Variants in SOX13 observed in about 807,000 individuals in gnomAD.
SOX13 encodes the protein transcription factor SOX-13.
Under a neutral mutation model 71.8 loss-of-function variants are expected in SOX13, and 28 were observed. The ratio of observed to expected loss-of-function variants is 0.39; its 90% confidence interval spans 0.29 to 0.53. The LOEUF is 0.53. Among genes scored for constraint, SOX13 ranks in the 20% least tolerant of loss-of-function variants. SOX13 has a pLI of 0.70. For missense variants in SOX13, 627 were observed against 810.3 expected (o/e 0.77, Z 2.75); for synonymous variants, 309 against 317.8 (o/e 0.97, Z 0.29).
At position 204,123,857 on chromosome 1, in the gene SOX13, A is replaced by G; in HGVS notation, c.1375+53A>G. ...TCAGTGTGACCTGGTTGCAGGAGCC[A>G]GCTGGGTCTATTCAGGGCTTGCTTG... On this transcript the variant is annotated intron_variant, in intron 12 of 13. Transcript: ENST00000367204. The surrounding 1 kb of genome is among the most constrained non-coding windows in gnomAD (Gnocchi z 5.0). 1 of 1,600,672 alleles carries G rather than the reference A, an allele frequency of 6.2e-7. No homozygotes were observed. Among genetic ancestry groups the G allele is most frequent in the South Asian group, 1.1e-5 (1 of 90,638 alleles).
Position 204,125,895 on chromosome 1 carries a change from G to T in SOX13, c.1630G>T (p.Val544Phe). 1.2e-6 allele frequency: 2 copies of T among 1,612,936 alleles called. No homozygotes were observed. Among genetic ancestry groups the T allele is most frequent in the Non-Finnish European group, 1.7e-6 (2 of 1,179,704 alleles). ...AGQVQMSSSD[V>F]LYPRAAGMPL... ...CCAGGTGCAGATGAGCTCCTCAGAT[G>T]TCCTGTACCCTCGGGCAGCAGGCAT... The change falls in exon 14 of 14, where the codon GTC becomes TTC. Residue 544 changes from valine to phenylalanine, a missense_variant. Physicochemically the swap from Val to Phe is conservative, Grantham distance 50 (BLOSUM62 -1). This residue lies in a region of SOX13 where 148 missense variants were observed against 192.7 expected (regional missense o/e 0.77). Transcript: ENST00000367204.
intron 1 of SOX13, among the ~76,000 whole-genome samples, chr1:204,104,097 C>A (rs1011010634): frequency 6.6e-6 from 1 of 152,216 alleles, no homozygotes; most frequent in African/African-American, 2.4e-5. Context: ...CCGGCAGCCA[C>A]AGAAGCTCAG....
intron 1 of SOX13, among the ~76,000 whole-genome samples, chr1:204,111,166 A>G (rs1293223632): frequency 1.3e-5 from 2 of 152,254 alleles, no homozygotes; most frequent in African/African-American, 2.4e-5. Context: ...CAAGGAAACA[A>G]CAAAACACCA....
chr1:204,083,985 G>T (rs1156642417), intron 1 of SOX13, among the ~76,000 whole-genome samples: 1 of 152,146 alleles, frequency 6.6e-6, no homozygotes, highest in Non-Finnish European at 1.5e-5. Flanking sequence ...AGGTCATAAG[G>T]GTAGGTCCCC....
chr1:204,117,504 C>T, intron 6 of SOX13, 89 bp from the exon 7 acceptor site: 2 of 818,536 alleles, frequency 2.4e-6, no homozygotes, highest in Non-Finnish European at 4.0e-6. Flanking sequence ...GCCTCTTGTC[C>T]ATGGGTCCAT....
Position 204,096,562 on chromosome 1 carries a change from AC to A in SOX13, c.-1-16350del, listed in dbSNP as rs1479015476. Among the ~76,000 whole-genome samples the A allele has an allele frequency of 2.6e-5, 4 of 151,644 alleles. No individual in the cohort carries two copies. The East Asian group carries it at 7.8e-4, about 29-fold the overall frequency. Reference sequence around the variant, plus strand: ...CTCCCAAGTAGCTGGGTTTACAGGCACCCGCCACCACACCTGGCTAATTTTT... The same window carrying A: ...CTCCCAAGTAGCTGGGTTTACAGGCACCGCCACCACACCTGGCTAATTTTT... On this transcript the variant is annotated intron_variant, in intron 1 of 13. Coordinates refer to ENST00000367204, the MANE Select transcript of SOX13 (RefSeq NM_005686.3).
chr1:204,108,965 G>A (rs1027069116), intron 1 of SOX13, among the ~76,000 whole-genome samples: 2 of 152,128 alleles, frequency 1.3e-5, no homozygotes, highest in Non-Finnish European at 2.9e-5. Context: ...TGCTGCCTTC[G>A]GCTTCAGGAT....
chr1:204,123,930 G>T lies in SOX13; in HGVS notation c.1375+126G>T, dbSNP rs537879970. ...ACTCCAGTGGAATCTGACGACAGGG[G>T]TGCAGGAGTTGCTGGGGATGTGAGG... On this transcript the variant is annotated intron_variant, in intron 12 of 13. Coordinates refer to ENST00000367204, the MANE Select transcript of SOX13 (RefSeq NM_005686.3). This position sits in a 1 kb window ranked among gnomAD's most constrained non-coding sequence, Gnocchi z 5.0. 1.0e-4 allele frequency: 115 copies of T among 1,112,164 alleles called. No homozygotes were observed. The highest frequency in any genetic ancestry group is 1.4e-4 in the Non-Finnish European group (111 of 782,426). 68.9% of individuals were successfully genotyped at this position (1,112,164 alleles called of 1,614,324 possible). A position where few individuals can be genotyped will look rare whatever the true frequency, so the allele number is the denominator to read the frequency against.
intron 1 of SOX13, among the ~76,000 whole-genome samples, chr1:204,112,527 A>ACACT (rs34093119): frequency 0.04 from 5,883 of 147,640 alleles, 323 homozygotes; most frequent in African/African-American, 0.12. Flanking sequence ...ACACACACAC[A>ACACT]CTTTCTCTCT....
At position 204,117,678 on chromosome 1, in the gene SOX13, T is replaced by C. The variant is rs1218979909; in HGVS notation, c.746T>C (p.Leu249Ser). The C allele has an allele frequency of 5.0e-6, 8 of 1,613,540 alleles. No homozygotes were observed. The highest frequency in any genetic ancestry group is 6.8e-6 in the Non-Finnish European group (8 of 1,179,664). Residue 249 changes from leucine to serine, a missense_variant, in exon 7 of 14, where the codon TTA (leucine) becomes TCA (serine). By Grantham distance (145) the Leu-to-Ser change is moderately radical. Coordinates refer to ENST00000367204, the MANE Select transcript of SOX13 (RefSeq NM_005686.3). ...GTCACCCCTGACTCCCAGCTGGCCT[T>C]ACCCATTCAGCCCATTCCCTGCAAA... is the stretch of plus-strand genomic sequence containing the variant. ...LPVTPDSQLA[L>S]PIQPIPCKPV... is the part of the protein sequence containing the mutation.
At chr1:204,114,261 C>T (rs1387123592) in intron 2 of SOX13, 60 bp from the exon 3 acceptor site, 5 of 1,188,488 alleles carry the variant, frequency 4.2e-6, no homozygotes, top group Admixed American at 2.1e-5. Context: ...GTGCCCAGCC[C>T]TCCCTGCAGC....
At chr1:204,110,766 C>G (rs1656565110) in intron 1 of SOX13, among the ~76,000 whole-genome samples, 1 of 152,118 alleles carries the variant, frequency 6.6e-6, no homozygotes, top group African/African-American at 2.4e-5. Flanking sequence ...TATCCAAATG[C>G]ATCCATACAG....
chr1:204,081,939 C>T lies in SOX13; in HGVS notation c.-2+8228C>T, dbSNP rs1009487623. On this transcript the variant is annotated intron_variant, in intron 1 of 13. Transcript: ENST00000367204. This position sits in a 1 kb window ranked among gnomAD's most constrained non-coding sequence, Gnocchi z 4.3. ...AAGGAAGCCTGTGTGCAGGTACAGC[C>T]GTGGCTCAGAGGCAGGTGGGGTGAG... Among the ~76,000 whole-genome samples the T allele has an allele frequency of 7.2e-5, 11 of 152,046 alleles. No individual in the cohort carries two copies. In the East Asian group the frequency reaches 7.8e-4, roughly 11 times the overall value.
chr1:204,100,089 G>A (rs937247227), intron 1 of SOX13, among the ~76,000 whole-genome samples: 1 of 152,232 alleles, frequency 6.6e-6, no homozygotes, highest in African/African-American at 2.4e-5. Context: ...GTAGTGAGCT[G>A]TGATTGTGCC....
At position 204,081,137 on chromosome 1, in the gene SOX13, T is replaced by A. The variant is rs1478237050; in HGVS notation, c.-2+7426T>A. On this transcript the variant is annotated intron_variant, in intron 1 of 13. Coordinates refer to ENST00000367204, the MANE Select transcript of SOX13 (RefSeq NM_005686.3). The surrounding 1 kb of genome is among the most constrained non-coding windows in gnomAD (Gnocchi z 4.3). ...CATGTTGGTTAGGCTGGTCTCGAACTCCCGACCTCAGGTGATCCGCCTGCT... is the reference window on the plus strand; with the variant it reads ...CATGTTGGTTAGGCTGGTCTCGAACACCCGACCTCAGGTGATCCGCCTGCT... Among the ~76,000 whole-genome samples the A allele has an allele frequency of 6.6e-6, 1 of 152,212 alleles. No individual in the cohort carries two copies. The highest frequency in any genetic ancestry group is 1.5e-5 in the Non-Finnish European group (1 of 68,004).
At chr1:204,112,373 G>A (rs1162370328) in intron 1 of SOX13, among the ~76,000 whole-genome samples, 2 of 151,900 alleles carry the variant, frequency 1.3e-5, no homozygotes, top group East Asian at 1.9e-4. Flanking sequence ...CCTGGGAGGC[G>A]GAGGTTGCAG....
intron 2 of SOX13, 141 bp from the exon 3 acceptor site, chr1:204,114,180 C>T: frequency 1.7e-6 from 1 of 590,664 alleles, no homozygotes; most frequent in Non-Finnish European, 3.1e-6. Flanking sequence ...AGGTGGAGGC[C>T]AAAGGGACCT....
chr1:204,089,385 T>C (rs1021045076), intron 1 of SOX13, among the ~76,000 whole-genome samples: 1 of 152,126 alleles, frequency 6.6e-6, no homozygotes, highest in Non-Finnish European at 1.5e-5. Flanking sequence ...TGAATGGGCT[T>C]CCCTCCCACT....
rs757935952 is a variant in SOX13, at chr1:204,125,893, A to G, written c.1628A>G (p.Asp543Gly). ...QAGQVQMSSSDVLYPRAAGMP... is the reference protein window; with the variant it reads ...QAGQVQMSSSGVLYPRAAGMP... ...GGCCAGGTGCAGATGAGCTCCTCAG[A>G]TGTCCTGTACCCTCGGGCAGCAGGC... The change falls in exon 14 of 14, where the codon GAT becomes GGT. Residue 543 changes from aspartate to glycine, a missense_variant. Physicochemically the swap from Asp to Gly is moderately conservative, Grantham distance 94 (BLOSUM62 -1). Coordinates refer to ENST00000367204, the MANE Select transcript of SOX13 (RefSeq NM_005686.3). 3.2e-5 allele frequency: 51 copies of G among 1,612,892 alleles called. No individual in the cohort carries two copies. Among genetic ancestry groups the G allele is most frequent in the Non-Finnish European group, 4.2e-5 (49 of 1,179,742 alleles).
Sources: gnomAD v4.1 joint callset for allele counts (sites outside exome capture counted in the v4.1 genomes callset) on GRCh38, gnomAD v4.1.1 for gene constraint, gnomAD v4.1.1 regional missense constraint, Gnocchi (gnomAD v3.1) non-coding constraint, MANE v1.5 for transcripts, NCBI Gene and HGNC (gene_info 2026-07-23, HGNC 2026-07-21) for gene names.